PCCA: variants seen among roughly 807,000 people sequenced by gnomAD.
PCCA encodes the protein propionyl-CoA carboxylase subunit alpha.
Under a neutral mutation model 101.3 loss-of-function variants are expected in PCCA, and 74 were observed. The ratio of observed to expected loss-of-function variants is 0.73; its 90% CI spans 0.61 to 0.89. PCCA has a LOEUF of 0.89. Ranked by LOEUF, PCCA falls within the 40% of genes least tolerant of loss-of-function variation. The pLI is 0.00. For synonymous variants in PCCA, 294 were observed against 313.6 expected (o/e 0.94, Z 0.66); for missense variants, 891 against 907.0 (o/e 0.98, Z 0.23).
At chr13:100,284,168 C>T (rs1595111788) in intron 12 of PCCA, among the ~76,000 whole-genome samples, 1 of 152,226 alleles carries the variant, frequency 6.6e-6, no homozygotes, top group African/African-American at 2.4e-5. Context: ...CAGCCTGTAA[C>T]CAGGTATTTC....
chr13:100,261,258 T>C (rs541288188), intron 9 of PCCA, among the ~76,000 whole-genome samples: 104 of 152,268 alleles, frequency 6.8e-4, no homozygotes, highest in Non-Finnish European at 1.1e-3. Flanking sequence ...GAAACTTTAT[T>C]AAATGTAAAG....
intron 17 of PCCA, among the ~76,000 whole-genome samples, chr13:100,336,204 G>A (rs981320825): frequency 1.3e-5 from 2 of 152,196 alleles, no homozygotes; most frequent in Non-Finnish European, 2.9e-5. Context: ...AAAGGTTGTG[G>A]TGAGCCGAGA....
intron 4 of PCCA, among the ~76,000 whole-genome samples, chr13:100,118,283 T>C (rs2049023978): frequency 6.6e-6 from 1 of 152,210 alleles, no homozygotes; most frequent in Non-Finnish European, 1.5e-5. Flanking sequence ...GTAATATGCC[T>C]ACCACATTCA....
intron 21 of PCCA, among the ~76,000 whole-genome samples, chr13:100,451,418 T>C (rs1595951083): frequency 6.6e-6 from 1 of 152,306 alleles, no homozygotes; most frequent in Non-Finnish European, 1.5e-5. Context: ...GACACCTTTC[T>C]GTGTCAGTCC....
chr13:100,490,075 A>G (rs3742245), intron 21 of PCCA: 52,311 of 152,104 alleles, frequency 0.34, 9,797 homozygotes, highest in East Asian at 0.67. Flanking sequence ...ACCTCTGTCT[A>G]TTTCTGCATT....
intron 9 of PCCA, among the ~76,000 whole-genome samples, chr13:100,259,483 C>T (rs1326437570): frequency 1.3e-5 from 2 of 151,620 alleles, no homozygotes; most frequent in Admixed American, 6.6e-5. Flanking sequence ...TACAGCTGCA[C>T]GCCACCACAC....
At chr13:100,464,227 G>T (rs1452702754) in intron 21 of PCCA, among the ~76,000 whole-genome samples, 1 of 152,178 alleles carries the variant, frequency 6.6e-6, no homozygotes, top group Admixed American at 6.5e-5. Flanking sequence ...ACAGGATCGG[G>T]CAGGGGTGGG....
At chr13:100,462,667 A>G (rs772883988) in intron 21 of PCCA, among the ~76,000 whole-genome samples, 2 of 152,212 alleles carry the variant, frequency 1.3e-5, no homozygotes, top group Non-Finnish European at 2.9e-5. Context: ...GAAGAACTGT[A>G]TTTCATATCT....
At chr13:100,508,743 C>T (rs974368421) in intron 21 of PCCA, among the ~76,000 whole-genome samples, 2 of 152,126 alleles carry the variant, frequency 1.3e-5, no homozygotes, top group Non-Finnish European at 2.9e-5. Context: ...GTGATTAATG[C>T]CCAGGAGGCA....
Position 100,394,566 on chromosome 13 carries a change from A to G in PCCA, c.1746+25992A>G, listed in dbSNP as rs936696244. 2.6e-5 allele frequency among the ~76,000 whole-genome samples: 4 copies of G among 152,128 alleles called. No homozygotes were observed. The highest frequency in any genetic ancestry group is 1.3e-4 in the Admixed American group (2 of 15,270). On this transcript the variant is annotated intron_variant, in intron 19 of 23. Coordinates refer to ENST00000376285, the MANE Select transcript of PCCA (RefSeq NM_000282.4). The surrounding 1 kb of genome is among the most constrained non-coding windows in gnomAD (Gnocchi z 4.3). ...ATATAAGATAGAAACCAGTAACTGA[A>G]TCTGGTAACAGGGTAGTTGTTTGTT...
chr13:100,349,086 G>T (rs966751382), intron 18 of PCCA, among the ~76,000 whole-genome samples: 1 of 151,952 alleles, frequency 6.6e-6, no homozygotes, highest in African/African-American at 2.4e-5. Context: ...GGGATTACAG[G>T]CATGCACCGC....
chr13:100,095,386 G>T (rs1298599771), intron 1 of PCCA, among the ~76,000 whole-genome samples: 1 of 152,196 alleles, frequency 6.6e-6, no homozygotes, highest in Admixed American at 6.5e-5. Context: ...TTAGAGCTGG[G>T]AATATAATTG....
chr13:100,131,171 T>G (rs1029303120), intron 4 of PCCA, among the ~76,000 whole-genome samples: 2 of 152,132 alleles, frequency 1.3e-5, no homozygotes, highest in African/African-American at 4.8e-5. Context: ...GTTCTTGCCC[T>G]CATTCTCTGT....
intron 19 of PCCA, among the ~76,000 whole-genome samples, chr13:100,376,824 C>A (rs1001809048): frequency 6.6e-6 from 1 of 152,112 alleles, no homozygotes; most frequent in African/African-American, 2.4e-5. Flanking sequence ...GGTTCTGTTT[C>A]GCTGGTGTTC....
chr13:100,494,529 C>A (rs2085132569), intron 21 of PCCA, among the ~76,000 whole-genome samples: 1 of 150,262 alleles, frequency 6.7e-6, no homozygotes, highest in Admixed American at 6.6e-5. Flanking sequence ...ACTGAAAATA[C>A]AAAATTAGCC....
At chr13:100,376,058 A>G (rs781110160) in intron 19 of PCCA, among the ~76,000 whole-genome samples, 12 of 152,146 alleles carry the variant, frequency 7.9e-5, no homozygotes, top group Non-Finnish European at 4.4e-5. Context: ...GTTGATGCTG[A>G]TGCTGTTCCT....
intron 12 of PCCA, among the ~76,000 whole-genome samples, chr13:100,299,564 A>C (rs2065894853): frequency 6.6e-6 from 1 of 152,146 alleles, no homozygotes; most frequent in South Asian, 2.1e-4. Flanking sequence ...TTCAATATGT[A>C]TTTATTTGCC....
chr13:100,451,484 A>G (rs558923361), intron 21 of PCCA, among the ~76,000 whole-genome samples: 2 of 152,100 alleles, frequency 1.3e-5, no homozygotes, highest in Non-Finnish European at 2.9e-5. Flanking sequence ...ACGTGGATGG[A>G]GAGGACTGCT....
At chr13:100,481,710 C>T (rs1170270411) in intron 21 of PCCA, among the ~76,000 whole-genome samples, 1 of 152,062 alleles carries the variant, frequency 6.6e-6, no homozygotes, top group East Asian at 1.9e-4. Context: ...CAGGATGGAG[C>T]AGGACAGCAC....
Sources: allele counts gnomAD v4.1 joint callset (sites outside exome capture counted in the v4.1 genomes callset), GRCh38; gene constraint gnomAD v4.1.1; non-coding constraint Gnocchi (gnomAD v3.1); transcripts MANE v1.5; gene names NCBI Gene and HGNC (gene_info 2026-07-23, HGNC 2026-07-21).